GBF1: variants seen among roughly 807,000 people sequenced by gnomAD.
The protein encoded by GBF1 is Golgi-specific brefeldin A-resistance guanine nucleotide exchange factor 1.
In GBF1, 114 loss-of-function variants were observed where a neutral mutation model predicts 210.5. The observed-to-expected ratio is 0.54, with a 90% CI of 0.47 to 0.63. The LOEUF (loss-of-function observed/expected upper bound fraction) is 0.63. Ranked by LOEUF, GBF1 falls within the 30% of genes least tolerant of loss-of-function variation. The pLI is 0.00. For synonymous variants in GBF1, 850 were observed against 889.2 expected (o/e 0.96, Z 0.78); for missense variants, 1,851 against 2,357.7 (o/e 0.79, Z 4.45).
intron 3 of GBF1, among the ~76,000 whole-genome samples, chr10:102,321,966 C>T (rs2056443535): frequency 6.6e-6 from 1 of 152,180 alleles, no homozygotes; most frequent in South Asian, 2.1e-4. Flanking sequence ...TGAAGCAATC[C>T]TCCCAGCTCA....
intron 4 of GBF1, among the ~76,000 whole-genome samples, chr10:102,350,920 C>T (rs999725896): frequency 3.9e-5 from 6 of 152,102 alleles, no homozygotes; most frequent in African/African-American, 9.6e-5. Context: ...CCCATCTCTA[C>T]TAAAAGTACA....
rs1554985675 is a variant in GBF1 at position 102,381,823 on chromosome 10, G to GAGA, written c.5303-232_5303-231insGAA. The stretch of plus-strand genomic sequence containing the variant: ...CTGGGTGATAGTGAGACCCTGTCGC[G>GAGA]AAAAAAAAAAAAAAAAAAAAAAAAA... On this transcript the variant is annotated intron_variant, in intron 39 of 39. Coordinates refer to ENST00000369983, the MANE Select transcript of GBF1 (RefSeq NM_001377137.1). Among the ~76,000 whole-genome samples the GAGA allele has an allele frequency of 6.1e-3, 116 of 19,102 alleles. 11 individuals carry two copies. The East Asian group carries it at 0.085, about 14-fold the overall frequency. 12.5% of individuals were successfully genotyped at this position (19,102 alleles called of 152,430 possible).
intron 3 of GBF1, among the ~76,000 whole-genome samples, chr10:102,283,891 G>A (rs954812857): frequency 6.6e-6 from 1 of 152,158 alleles, no homozygotes; most frequent in African/African-American, 2.4e-5. Flanking sequence ...TGAAATCTTT[G>A]TGAAGTCTCA....
chr10:102,283,000 C>T (rs2075633622), intron 3 of GBF1, among the ~76,000 whole-genome samples: 1 of 152,010 alleles, frequency 6.6e-6, no homozygotes, highest in African/African-American at 2.4e-5. Flanking sequence ...TACTAATGAT[C>T]CTAGATACTA....
intron 3 of GBF1, among the ~76,000 whole-genome samples, chr10:102,331,851 A>ATTTT (rs869198412): frequency 0.016 from 1,346 of 85,340 alleles, 156 homozygotes; most frequent in East Asian, 0.021. Context: ...TACCTGGCTA[A>ATTTT]TTTTTTTTTT....
Position 102,366,319 on chromosome 10 carries a change from C to T in GBF1, c.2310-64C>T, listed in dbSNP as rs1027315157. On this transcript the variant is annotated intron_variant, in intron 18 of 39. Coordinates refer to ENST00000369983, the MANE Select transcript of GBF1 (RefSeq NM_001377137.1). This position sits in a 1 kb window ranked among gnomAD's most constrained non-coding sequence, Gnocchi z 4.0. ...TAAGAGTAGGTTAGGAGGACAGTGA[C>T]TAAAAGAGCCTGACATGTGCAGCTT... 2.5e-6 allele frequency: 4 copies of T among 1,592,062 alleles called. No individual in the cohort carries two copies. In the African/African-American group the frequency reaches 4.0e-5, roughly 16 times the overall value.
At chr10:102,286,723 G>A (rs2075985149) in intron 3 of GBF1, among the ~76,000 whole-genome samples, 1 of 152,162 alleles carries the variant, frequency 6.6e-6, no homozygotes, top group South Asian at 2.1e-4. Context: ...AATTCAGTGA[G>A]CATCAGTTAT....
chr10:102,256,879 A>G (rs2072465825), intron 1 of GBF1, among the ~76,000 whole-genome samples: 1 of 152,218 alleles, frequency 6.6e-6, no homozygotes, highest in Non-Finnish European at 1.5e-5. Context: ...TCTCTACAAA[A>G]AGTACAAAAA....
At chr10:102,342,783 G>C (rs949401859) in intron 3 of GBF1, among the ~76,000 whole-genome samples, 3 of 152,108 alleles carry the variant, frequency 2.0e-5, no homozygotes, top group Non-Finnish European at 4.4e-5. Context: ...GCTGGTCTCT[G>C]AAAGATGAAA....
chr10:102,268,298 G>A (rs533242364), intron 3 of GBF1, among the ~76,000 whole-genome samples: 1 of 152,160 alleles, frequency 6.6e-6, no homozygotes, highest in Non-Finnish European at 1.5e-5. Flanking sequence ...TAGTTTCCTG[G>A]CTGTTGAGGG....
intron 4 of GBF1, among the ~76,000 whole-genome samples, chr10:102,350,570 T>G (rs2058886383): frequency 6.6e-6 from 1 of 152,126 alleles, no homozygotes; most frequent in Non-Finnish European, 1.5e-5. Flanking sequence ...CAAAAACTCT[T>G]GTTTCCAGGC....
At chr10:102,375,322 C>T (rs189739040) in intron 29 of GBF1, 37 bp from the exon 30 acceptor site, 1 of 1,210,930 alleles carries the variant, frequency 8.3e-7, no homozygotes, top group Non-Finnish European at 1.2e-6. Flanking sequence ...CCACACAGCT[C>T]CCCGCTTCCC....
At chr10:102,360,949 T>C in intron 12 of GBF1, 73 bp from the exon 13 acceptor site, 1 of 776,058 alleles carries the variant, frequency 1.3e-6, no homozygotes, top group East Asian at 2.5e-5. Context: ...CACTCCAGCG[T>C]GGGCAACAGA....
At chr10:102,261,384 T>G (rs1165195934) in intron 3 of GBF1, among the ~76,000 whole-genome samples, 1 of 152,148 alleles carries the variant, frequency 6.6e-6, no homozygotes, top group Non-Finnish European at 1.5e-5. Flanking sequence ...TGTTCCTTTG[T>G]TGACCACAAA....
intron 21 of GBF1, among the ~76,000 whole-genome samples, 171 bp downstream of exon 21, chr10:102,367,731 C>T (rs1486475866): frequency 1.3e-5 from 2 of 152,114 alleles, no homozygotes; most frequent in Non-Finnish European, 2.9e-5. Flanking sequence ...TTAAAGAAGC[C>T]CAAATGATAT....
chr10:102,368,382 T>C lies in GBF1; in HGVS notation c.2807T>C (p.Ile936Thr), dbSNP rs1273605394. Residue 936 changes from isoleucine to threonine, a missense_variant, in exon 22 of 40, where the codon ATT (isoleucine) becomes ACT (threonine). By Grantham distance (89) the Ile-to-Thr change is moderately conservative. Transcript: ENST00000369983. ...DLFTMTWGPT[I>T]AALSYVFDKS... ...TTCACCATGACCTGGGGCCCCACTA[T>C]TGCTGCTCTCTCTTATGTCTTTGAC... The C allele has an allele frequency of 6.2e-7, 1 of 1,613,828 alleles. No homozygotes were observed. Among genetic ancestry groups the C allele is most frequent in the Non-Finnish European group, 8.5e-7 (1 of 1,179,808 alleles).
chr10:102,340,709 T>C (rs2058129017), intron 3 of GBF1, among the ~76,000 whole-genome samples: 1 of 152,184 alleles, frequency 6.6e-6, no homozygotes, highest in Non-Finnish European at 1.5e-5. Flanking sequence ...AATTTATTTT[T>C]GACAAAGGTG....
At chr10:102,306,170 T>G (rs1352568265) in intron 3 of GBF1, among the ~76,000 whole-genome samples, 1 of 152,240 alleles carries the variant, frequency 6.6e-6, no homozygotes, top group Non-Finnish European at 1.5e-5. Context: ...TGACCTCAGC[T>G]GCACTACTCA....
chr10:102,332,800 C>G (rs1677457551), intron 3 of GBF1, among the ~76,000 whole-genome samples: 2 of 152,288 alleles, frequency 1.3e-5, no homozygotes, highest in East Asian at 3.9e-4. Flanking sequence ...CATAATCATA[C>G]TTTGTCTCTT....
Sources: gnomAD v4.1 joint callset for allele counts (sites outside exome capture counted in the v4.1 genomes callset) on GRCh38, gnomAD v4.1.1 for gene constraint, Gnocchi (gnomAD v3.1) non-coding constraint, MANE v1.5 for transcripts, NCBI Gene and HGNC (gene_info 2026-07-23, HGNC 2026-07-21) for gene names.